ABL1: variants seen among roughly 807,000 people sequenced by gnomAD.
ABL1 encodes the protein ABL proto-oncogene 1, non-receptor tyrosine kinase.
ABL1 carries 11 observed loss-of-function variants against 94.7 expected under a neutral mutation model. That is an observed-to-expected ratio of 0.12 (90% CI 0.07 to 0.19). The LOEUF (loss-of-function observed/expected upper bound fraction) is 0.19, where lower values mean the gene tolerates loss of function less well. Ranked by LOEUF, ABL1 falls within the 10% of genes least tolerant of loss-of-function variation. The pLI is 1.00. For missense variants in ABL1, 1,082 were observed against 1,489.4 expected (o/e 0.73, Z 4.50); for synonymous variants, 656 against 622.4 (o/e 1.05, Z -0.80).
chr9:130,846,081 C>CTGTG lies in ABL1; in HGVS notation c.80-7958_80-7955dup, dbSNP rs10554440. 3.2e-3 allele frequency among the ~76,000 whole-genome samples: 480 copies of CTGTG among 148,134 alleles called. 1 individual carries two copies. The highest frequency in any genetic ancestry group is 4.1e-3 in the Non-Finnish European group (274 of 66,676). ...AGGCTGTGTTCAGTTAAACGTATGT[C>CTGTG]TGTGTGTGTGTGTGTGTGTGTGTGT... On this transcript the variant is annotated intron_variant, in intron 1 of 10. Transcript: ENST00000318560.
At chr9:130,819,532 CTTTT>C (rs34341889) in intron 1 of ABL1, among the ~76,000 whole-genome samples, 5 of 96,278 alleles carry the variant, frequency 5.2e-5, no homozygotes, top group Admixed American at 1.3e-4. Flanking sequence ...AGAAAAATAC[CTTTT>C]TTTTTTTTTT....
chr9:130,716,019 T>C (rs1276028584), intron 1 of ABL1, among the ~76,000 whole-genome samples: 1 of 141,528 alleles, frequency 7.1e-6, no homozygotes, highest in Non-Finnish European at 1.6e-5. Context: ...AAACTAAATA[T>C]ATATATACAC....
At position 130,880,697 on chromosome 9, in the gene ABL1, CT is replaced by C; in HGVS notation, c.1678+35del. On this transcript the variant is annotated intron_variant, in intron 10 of 10. Transcript: ENST00000318560. The surrounding 1 kb of genome is among the most constrained non-coding windows in gnomAD (Gnocchi z 4.4). The stretch of plus-strand genomic sequence containing the variant: ...CCCCGCTTCCCCCAACCCCACTGCT[CT>C]TCCCTTCCCTGCCAGAGGCTACATT... The C allele has an allele frequency of 6.2e-7, 1 of 1,606,406 alleles. No individual in the cohort carries two copies.
intron 1 of ABL1, among the ~76,000 whole-genome samples, chr9:130,837,922 A>G (rs980611610): frequency 1.2e-4 from 19 of 152,196 alleles, no homozygotes; most frequent in Middle Eastern, 3.2e-3. Flanking sequence ...AATGAGATCA[A>G]GTTTTTCATT....
intron 1 of ABL1, among the ~76,000 whole-genome samples, chr9:130,732,914 T>A (rs2791726): frequency 0.19 from 29,246 of 152,172 alleles, 3,467 homozygotes; most frequent in Middle Eastern, 0.38. Flanking sequence ...TGAATTGTTA[T>A]TAGCAAGGAG....
chr9:130,861,732 C>CAA (rs1434271617), intron 3 of ABL1, among the ~76,000 whole-genome samples: 2 of 152,210 alleles, frequency 1.3e-5, no homozygotes, highest in Non-Finnish European at 2.9e-5. Flanking sequence ...GTCTTCTTTC[C>CAA]ACCTTCAGTG....
At position 130,877,526 on chromosome 9, in the gene ABL1, C is replaced by G. The variant is rs562209886; in HGVS notation, c.1271-889C>G. Among the ~76,000 whole-genome samples the G allele has an allele frequency of 2.9e-4, 43 of 148,008 alleles. 1 individual carries two copies. The East Asian group carries it at 7.7e-3, about 27-fold the overall frequency. ...GCCAGGTTCCTTCTACCACATATCCCAGCAAGATGGTCACATTACCTAAAA... is the reference window on the plus strand; with the variant it reads ...GCCAGGTTCCTTCTACCACATATCCGAGCAAGATGGTCACATTACCTAAAA... On this transcript the variant is annotated intron_variant, in intron 7 of 10. Transcript: ENST00000318560.
intron 1 of ABL1, among the ~76,000 whole-genome samples, chr9:130,808,722 T>G (rs1475654422): frequency 6.6e-6 from 1 of 152,242 alleles, no homozygotes; most frequent in African/African-American, 2.4e-5. Context: ...CATACTCTGA[T>G]GACTCCCACA....
rs370071789 is a variant in ABL1 at position 130,871,437 on chromosome 9, A to G, written c.823-692A>G. Among the ~76,000 whole-genome samples the G allele has an allele frequency of 2.9e-4, 44 of 152,280 alleles. No individual in the cohort carries two copies. The East Asian group carries it at 7.2e-3, about 25-fold the overall frequency. ...TTTTTCTCCCCCTTGGCATTTAGATACCATGGACTTGTTAAAATGTGACAT... is the reference window on the plus strand; with the variant it reads ...TTTTTCTCCCCCTTGGCATTTAGATGCCATGGACTTGTTAAAATGTGACAT... On this transcript the variant is annotated intron_variant, in intron 4 of 10. Coordinates refer to ENST00000318560, the MANE Select transcript of ABL1 (RefSeq NM_005157.6).
At chr9:130,722,096 G>C (rs903493755) in intron 1 of ABL1, among the ~76,000 whole-genome samples, 6 of 151,524 alleles carry the variant, frequency 4.0e-5, no homozygotes, top group African/African-American at 1.4e-4. Flanking sequence ...GATTCTCAAA[G>C]AGGTTATTTG....
At chr9:130,795,770 C>T (rs919395856) in intron 1 of ABL1, among the ~76,000 whole-genome samples, 3 of 152,220 alleles carry the variant, frequency 2.0e-5, no homozygotes, top group Middle Eastern at 3.4e-3. Flanking sequence ...TATGATACCA[C>T]AATATTTAAA....
chr9:130,809,381 TG>T (rs1429578679), intron 1 of ABL1, among the ~76,000 whole-genome samples: 27 of 132,682 alleles, frequency 2.0e-4, no homozygotes, highest in African/African-American at 7.5e-4. Context: ...TGAAGGTTCT[TG>T]AGAGAGAGAG....
chr9:130,817,563 G>C (rs1192644640), intron 1 of ABL1, among the ~76,000 whole-genome samples: 1 of 152,234 alleles, frequency 6.6e-6, no homozygotes, highest in Admixed American at 6.5e-5. Context: ...GGACACAGCA[G>C]TAGGGTGGAC....
At chr9:130,730,308 C>T (rs903195677) in intron 1 of ABL1, among the ~76,000 whole-genome samples, 8 of 152,100 alleles carry the variant, frequency 5.3e-5, no homozygotes, top group Non-Finnish European at 1.0e-4. Context: ...TCCCAAAGTG[C>T]TGGGATTACA....
chr9:130,861,279 G>A (rs1473626192), intron 3 of ABL1, among the ~76,000 whole-genome samples: 5 of 152,194 alleles, frequency 3.3e-5, no homozygotes, highest in Non-Finnish European at 7.3e-5. Flanking sequence ...GTTACCAAAA[G>A]ATTGTAACCC....
intron 1 of ABL1, among the ~76,000 whole-genome samples, chr9:130,813,148 G>GA (rs1830232384): frequency 6.6e-6 from 1 of 152,072 alleles, no homozygotes; most frequent in Non-Finnish European, 1.5e-5. Context: ...CCGGGAGGCA[G>GA]AGGTTGCAGT....
rs1237936063 is a variant in ABL1, at chr9:130,885,314, C to T, written c.3024C>T (p.Thr1008=). ...SSTAFIPLIS[T]RVSLRKTRQP... ...CCGCCTTCATCCCTCTCATATCAAC[C>T]CGAGTGTCTCTTCGGAAAACCCGCC... The change falls in exon 11 of 11, where the codon ACC becomes ACT. Residue 1008 remains threonine (T), a synonymous_variant. Transcript: ENST00000318560. The T allele has an allele frequency of 2.5e-6, 4 of 1,613,568 alleles. No homozygotes were observed. In the African/African-American group the frequency reaches 5.3e-5, roughly 22 times the overall value.
At chr9:130,820,622 T>C (rs1007411621) in intron 1 of ABL1, among the ~76,000 whole-genome samples, 45 of 152,278 alleles carry the variant, frequency 3.0e-4, no homozygotes, top group Non-Finnish European at 5.9e-4. Context: ...TGTCCAGACA[T>C]AGCTCTCATT....
intron 7 of ABL1, among the ~76,000 whole-genome samples, chr9:130,876,026 C>T (rs1485561320): frequency 6.6e-6 from 1 of 152,224 alleles, no homozygotes; most frequent in African/African-American, 2.4e-5. Context: ...CGGGGTTTTA[C>T]CATGTTGGCC....
Sources: gnomAD v4.1 joint callset for allele counts (sites outside exome capture counted in the v4.1 genomes callset) on GRCh38, gnomAD v4.1.1 for gene constraint, Gnocchi (gnomAD v3.1) non-coding constraint, MANE v1.5 for transcripts, NCBI Gene and HGNC (gene_info 2026-07-23, HGNC 2026-07-21) for gene names.